The following MIGA1 variants were observed in gnomAD, a reference collection of about 807,000 sequenced individuals.
The protein encoded by MIGA1 is mitoguardin 1, also known as family with sequence similarity 73, member A.
A neutral mutation model predicts 82.0 loss-of-function variants in MIGA1; 58 were observed. The ratio of observed to expected loss-of-function variants is 0.71; its 90% CI spans 0.57 to 0.88. MIGA1 has a LOEUF of 0.88. Ranked by LOEUF, MIGA1 falls within the 40% of genes least tolerant of loss-of-function variation. The pLI is 0.00. For missense variants in MIGA1, 751 were observed against 749.1 expected (o/e 1.00, Z -0.03); for synonymous variants, 249 against 253.6 (o/e 0.98, Z 0.17).
intron 8 of MIGA1, among the ~76,000 whole-genome samples, chr1:77,844,897 G>A (rs145911266): frequency 3.7e-4 from 57 of 152,206 alleles, no homozygotes; most frequent in African/African-American, 1.3e-3. Flanking sequence ...CACAAGAATC[G>A]CTTGAACCTG....
At chr1:77,809,057 G>T (rs1442514729) in intron 5 of MIGA1, among the ~76,000 whole-genome samples, 1 of 152,054 alleles carries the variant, frequency 6.6e-6, no homozygotes, top group South Asian at 2.1e-4. Flanking sequence ...GTTACAGTGA[G>T]CTAATTGTGC....
At chr1:77,815,669 G>A in intron 7 of MIGA1, among the ~76,000 whole-genome samples, 1 of 152,096 alleles carries the variant, frequency 6.6e-6, no homozygotes, top group Non-Finnish European at 1.5e-5. Flanking sequence ...ACATCGTTAT[G>A]GGTCATTACC....
intron 14 of MIGA1, among the ~76,000 whole-genome samples, chr1:77,866,628 G>A (rs542102264): frequency 4.0e-5 from 6 of 151,682 alleles, no homozygotes; most frequent in African/African-American, 1.2e-4. Flanking sequence ...GAGGGGTTTC[G>A]AGTTGGAAAC....
intron 1 of MIGA1, among the ~76,000 whole-genome samples, chr1:77,782,033 A>G (rs1681942482): frequency 1.3e-5 from 2 of 151,690 alleles, no homozygotes; most frequent in African/African-American, 4.8e-5. Context: ...CATGTTTCCC[A>G]GGCTGGTCTC....
chr1:77,779,667 CT>C lies in MIGA1; in HGVS notation c.13del (p.Cys5AlafsTer34), dbSNP rs897795068. 1 of 1,583,758 alleles carries C rather than the reference CT, an allele frequency of 6.3e-7. No individual in the cohort carries two copies. The highest frequency in any genetic ancestry group is 1.3e-5 in the African/African-American group (1 of 74,396). On this transcript the variant is annotated frameshift_variant, in exon 1 of 16. Coordinates refer to ENST00000370791, the MANE Select transcript of MIGA1 (RefSeq NM_198549.4). LOFTEE classifies it high-confidence loss of function. The stretch of plus-strand genomic sequence containing the variant: ...ACTCCGCCTTCTCCATGTCAGACTG[CT>C]GCTCAGCGCCAGGCATCAGCTGGGA...
At chr1:77,803,882 T>C (rs749004552) in intron 4 of MIGA1, among the ~76,000 whole-genome samples, 114 of 152,074 alleles carry the variant, frequency 7.5e-4, no homozygotes, top group Non-Finnish European at 4.6e-4. Context: ...CACAAAGTAT[T>C]ATACATTAAA....
chr1:77,854,328 A>G (rs912255332), intron 8 of MIGA1, among the ~76,000 whole-genome samples: 46 of 152,140 alleles, frequency 3.0e-4, no homozygotes, highest in Middle Eastern at 3.4e-3. Context: ...TTGATTCACA[A>G]TTTTGCTATT....
rs544781593 is a variant in MIGA1, at chr1:77,821,982, C to T, written c.895+6751C>T. On this transcript the variant is annotated intron_variant, in intron 7 of 15. Transcript: ENST00000370791. ...AGCATGGTGACAGTAGTTAATAATA[C>T]TGTGTTGCATATTTGAAGTTTGCTA... is the stretch of plus-strand genomic sequence containing the variant. 5.3e-5 allele frequency among the ~76,000 whole-genome samples: 8 copies of T among 152,252 alleles called. No individual in the cohort carries two copies. The East Asian group carries it at 1.2e-3, about 22-fold the overall frequency.
At position 77,803,829 on chromosome 1, in the gene MIGA1, T is replaced by C. The variant is rs181521767; in HGVS notation, c.510+423T>C. 5.7e-4 allele frequency among the ~76,000 whole-genome samples: 86 copies of C among 152,092 alleles called. 1 individual carries two copies. The highest frequency in any genetic ancestry group is 3.4e-3 in the Middle Eastern group (1 of 292). On this transcript the variant is annotated intron_variant, in intron 4 of 15. Coordinates refer to ENST00000370791, the MANE Select transcript of MIGA1 (RefSeq NM_198549.4). ...AAAAAATATAGGCAGATAGAATAAA[T>C]AGGATCTAGTGTTTGATAGCACAAT...
chr1:77,847,596 G>A lies in MIGA1; in HGVS notation c.996+4189G>A, dbSNP rs567608745. The A allele has an allele frequency of 5.1e-5, 78 of 1,536,428 alleles. No individual in the cohort carries two copies. In the African/African-American group the frequency reaches 1.0e-3, roughly 20 times the overall value. On this transcript the variant is annotated intron_variant, in intron 8 of 15. Coordinates refer to ENST00000370791, the MANE Select transcript of MIGA1 (RefSeq NM_198549.4). Reference sequence around the variant, plus strand: ...ATCTGCATATAAGAAAAAACTGCAAGAGAGAGCTGAAGAAGAAAGAAAAAA... The same window carrying A: ...ATCTGCATATAAGAAAAAACTGCAAAAGAGAGCTGAAGAAGAAAGAAAAAA...
intron 10 of MIGA1, chr1:77,859,775 G>T: frequency 2.6e-6 from 1 of 392,100 alleles, no homozygotes; most frequent in South Asian, 6.8e-5. Context: ...TTATGTTTTG[G>T]GGCTATAGGA....
rs1337871259 is a variant in MIGA1 at position 77,811,058 on chromosome 1, C to T, written c.638-2676C>T. 84 of 1,613,262 alleles carry T rather than the reference C, an allele frequency of 5.2e-5. 3 individuals carry two copies. Among genetic ancestry groups the T allele is most frequent in the Admixed American group, 1.7e-5 (1 of 59,942 alleles). On this transcript the variant is annotated intron_variant, in intron 5 of 15. Transcript: ENST00000370791. ...TTTTTAGGCTTGTAGGGTTTGAATT[C>T]AAAGAAGATAGCTGCACCTTTGGTT... is the stretch of plus-strand genomic sequence containing the variant.
chr1:77,871,301 A>C (rs1439475961), intron 14 of MIGA1, among the ~76,000 whole-genome samples: 1 of 152,134 alleles, frequency 6.6e-6, no homozygotes, highest in Non-Finnish European at 1.5e-5. Context: ...CAGGAGTTCG[A>C]GACCAGCCTG....
intron 8 of MIGA1, among the ~76,000 whole-genome samples, chr1:77,855,697 G>A (rs554873846): frequency 1.3e-5 from 2 of 150,910 alleles, no homozygotes; most frequent in Non-Finnish European, 2.9e-5. Flanking sequence ...GTCTCTGCTT[G>A]GTCGCTGTTG....
chr1:77,811,186 A>G (rs560974645), intron 5 of MIGA1: 13 of 1,536,444 alleles, frequency 8.5e-6, no homozygotes, highest in African/African-American at 4.1e-5. Context: ...AGTTAAGTCT[A>G]TGCCATTCAG....
At chr1:77,836,309 A>G (rs1367924136) in intron 7 of MIGA1, among the ~76,000 whole-genome samples, 1 of 152,236 alleles carries the variant, frequency 6.6e-6, no homozygotes, top group Non-Finnish European at 1.5e-5. Flanking sequence ...TAACAGAGTC[A>G]GTATTGGAAT....
intron 1 of MIGA1, 104 bp downstream of exon 1, chr1:77,779,840 G>T: frequency 1.4e-6 from 2 of 1,439,194 alleles, no homozygotes; most frequent in South Asian, 2.9e-5. Flanking sequence ...GGGTGGCGCG[G>T]ACTCCATCGC....
chr1:77,805,543 T>C (rs1291328113), intron 4 of MIGA1, among the ~76,000 whole-genome samples: 1 of 150,730 alleles, frequency 6.6e-6, no homozygotes, highest in Non-Finnish European at 1.5e-5. Flanking sequence ...TTTCTTTTTT[T>C]TTTTGAGATG....
chr1:77,789,438 G>A (rs2101703239), intron 2 of MIGA1, among the ~76,000 whole-genome samples: 1 of 151,960 alleles, frequency 6.6e-6, no homozygotes, highest in Non-Finnish European at 1.5e-5. Flanking sequence ...TCAAACTCCT[G>A]GATTCAAGCG....
Sources: allele counts gnomAD v4.1 joint callset (sites outside exome capture counted in the v4.1 genomes callset), GRCh38; gene constraint gnomAD v4.1.1; transcripts MANE v1.5; gene names NCBI Gene and HGNC (gene_info 2026-07-23, HGNC 2026-07-21).